CSMD3: variants seen among roughly 807,000 people sequenced by gnomAD.
The protein encoded by CSMD3 is CUB and Sushi multiple domains 3, also known as CUB and sushi domain-containing protein 3.
A neutral mutation model predicts 435.2 loss-of-function variants in CSMD3; 177 were observed. The observed-to-expected ratio is 0.41, with a 90% CI of 0.36 to 0.46. The LOEUF is 0.46. Among genes scored for constraint, CSMD3 ranks in the 20% least tolerant of loss-of-function variants. The probability of loss-of-function intolerance (pLI) is 0.34; values close to 1 mark genes in which losing one functional copy is unlikely to be tolerated. For missense variants in CSMD3, 4,265 were observed against 4,504.6 expected (o/e 0.95, Z 1.52); for synonymous variants, 1,656 against 1,520.5 (o/e 1.09, Z -2.07).
intron 4 of CSMD3, among the ~76,000 whole-genome samples, chr8:113,131,342 C>T (rs1564349394): frequency 6.6e-6 from 1 of 152,048 alleles, no homozygotes; most frequent in African/African-American, 2.4e-5. Context: ...GAGCAAGGCC[C>T]GGGAAACCCT....
chr8:112,689,588 G>T (rs1199497632), intron 14 of CSMD3, among the ~76,000 whole-genome samples: 1 of 151,934 alleles, frequency 6.6e-6, no homozygotes, highest in Non-Finnish European at 1.5e-5. Flanking sequence ...TCCATAAGAA[G>T]TATGCTCTCT....
chr8:112,333,431 T>G (rs1024900478), intron 45 of CSMD3, among the ~76,000 whole-genome samples: 1 of 152,112 alleles, frequency 6.6e-6, no homozygotes. Context: ...CCTCCCATAG[T>G]GCTGGGATTA....
intron 5 of CSMD3, among the ~76,000 whole-genome samples, chr8:113,077,814 G>A (rs915769443): frequency 2.6e-5 from 4 of 152,150 alleles, no homozygotes; most frequent in Non-Finnish European, 5.9e-5. Flanking sequence ...GCTTTTTAAG[G>A]AAGAGGATTA....
intron 13 of CSMD3, among the ~76,000 whole-genome samples, chr8:112,752,955 T>C (rs1480746077): frequency 6.6e-6 from 1 of 151,268 alleles, no homozygotes; most frequent in Non-Finnish European, 1.5e-5. Context: ...AGATAGGGTC[T>C]CCCTCTGTCA....
intron 3 of CSMD3, among the ~76,000 whole-genome samples, chr8:113,251,309 G>A (rs984810711): frequency 5.3e-5 from 8 of 152,070 alleles, no homozygotes. Flanking sequence ...AAATTTAAGA[G>A]TGGATTCAAA....
intron 3 of CSMD3, among the ~76,000 whole-genome samples, chr8:113,180,099 T>C (rs1228623418): frequency 1.3e-5 from 2 of 151,956 alleles, no homozygotes; most frequent in Non-Finnish European, 2.9e-5. Flanking sequence ...AAATTATATC[T>C]ACTAAGGGAA....
chr8:112,664,831 G>A (rs1271533147), intron 17 of CSMD3, among the ~76,000 whole-genome samples: 1 of 152,040 alleles, frequency 6.6e-6, no homozygotes, highest in Non-Finnish European at 1.5e-5. Context: ...ACTGTCTTGT[G>A]GACACCTTGA....
At position 112,754,533 on chromosome 8, in the gene CSMD3, A is replaced by T. The variant is rs1475917527; in HGVS notation, c.1972+45629T>A. Among the ~76,000 whole-genome samples, 7 of 152,298 alleles carry T rather than the reference A, an allele frequency of 4.6e-5. No individual in the cohort carries two copies. In the South Asian group the frequency reaches 1.0e-3, roughly 23 times the overall value. On this transcript the variant is annotated intron_variant, in intron 13 of 70. Transcript: ENST00000297405. ...AAAAGGGTTCTAACAGGAAAACAGA[A>T]ACTTTTGTCATTTAGGCAACAAGGA...
rs1418946120 is a variant in CSMD3 at position 112,292,559 on chromosome 8, G to T, written c.8766C>A (p.Ser2922Arg). 2.5e-6 allele frequency: 4 copies of T among 1,613,716 alleles called. No homozygotes were observed. Among genetic ancestry groups the T allele is most frequent in the East Asian group, 4.5e-5 (2 of 44,858 alleles). The part of the protein sequence containing the change: ...KAQCQANRQW[S>R]HPPPMCKVVN... ...TACCTTTGCACATAGGTGGAGGATG[G>T]CTCCACTGTCTGTTGGCCTGGCACT... The change falls in exon 55 of 71, where the codon AGC becomes AGA. Residue 2922 changes from serine to arginine, a missense_variant. By Grantham distance (110) the Ser-to-Arg change is moderately radical. This residue lies in a region of CSMD3 where 3,255 missense variants were observed against 3,380.2 expected (regional missense o/e 0.96). Transcript: ENST00000297405.
intron 22 of CSMD3, among the ~76,000 whole-genome samples, chr8:112,610,276 G>A (rs1435615178): frequency 6.6e-6 from 1 of 151,392 alleles, no homozygotes; most frequent in Non-Finnish European, 1.5e-5. Context: ...ACATTACGTT[G>A]TATATCTTGA....
intron 1 of CSMD3, among the ~76,000 whole-genome samples, chr8:113,395,389 T>C (rs1351739129): frequency 6.6e-6 from 1 of 151,890 alleles, no homozygotes; most frequent in East Asian, 1.9e-4. Context: ...GGGCGGATCA[T>C]GAGGTCAGGA....
intron 13 of CSMD3, among the ~76,000 whole-genome samples, chr8:112,714,481 A>T (rs2076680955): frequency 6.6e-6 from 1 of 152,078 alleles, no homozygotes; most frequent in African/African-American, 2.4e-5. Context: ...ATAGTCAGAG[A>T]TTTAACACCC....
At chr8:112,818,056 A>G (rs1271920448) in intron 12 of CSMD3, among the ~76,000 whole-genome samples, 1 of 151,556 alleles carries the variant, frequency 6.6e-6, no homozygotes, top group Non-Finnish European at 1.5e-5. Flanking sequence ...TTTTTGCAGG[A>G]GTATTTTAGC....
intron 24 of CSMD3, among the ~76,000 whole-genome samples, chr8:112,558,970 C>T (rs1023885315): frequency 2.6e-5 from 4 of 151,604 alleles, no homozygotes; most frequent in East Asian, 1.9e-4. Flanking sequence ...CTACTTTCTC[C>T]GGAAAAAGCA....
intron 4 of CSMD3, among the ~76,000 whole-genome samples, chr8:113,109,915 C>G (rs1410712581): frequency 6.6e-6 from 1 of 152,102 alleles, no homozygotes; most frequent in Non-Finnish European, 1.5e-5. Context: ...CTAGACATAG[C>G]CCATGTCGTT....
intron 9 of CSMD3, among the ~76,000 whole-genome samples, chr8:112,946,989 A>G (rs1425252498): frequency 2.6e-5 from 4 of 151,736 alleles, no homozygotes; most frequent in South Asian, 2.1e-4. Context: ...AATAAAATGA[A>G]TAAGTAAAAA....
intron 4 of CSMD3, among the ~76,000 whole-genome samples, chr8:113,109,796 C>T (rs1421464838): frequency 6.6e-6 from 1 of 152,186 alleles, no homozygotes; most frequent in African/African-American, 2.4e-5. Context: ...AGTGGAAACT[C>T]TTCATGGTGG....
chr8:112,802,348 C>G (rs2078979436), intron 12 of CSMD3, among the ~76,000 whole-genome samples: 2 of 151,906 alleles, frequency 1.3e-5, no homozygotes, highest in Non-Finnish European at 1.5e-5. Flanking sequence ...GAGGATGATG[C>G]CCTGTCTCTA....
chr8:113,362,432 T>G (rs978143263), intron 1 of CSMD3, among the ~76,000 whole-genome samples: 43 of 152,340 alleles, frequency 2.8e-4, no homozygotes, highest in African/African-American at 1.0e-3. Flanking sequence ...CTTTCTGGTA[T>G]ACTTCTCAGT....
Sources: allele counts gnomAD v4.1 joint callset (sites outside exome capture counted in the v4.1 genomes callset), GRCh38; gene constraint gnomAD v4.1.1; regional missense constraint gnomAD v4.1.1; transcripts MANE v1.5; gene names NCBI Gene and HGNC (gene_info 2026-07-23, HGNC 2026-07-21).